UNC13B: variants seen among roughly 807,000 people sequenced by gnomAD.
UNC13B encodes the protein unc-13 homolog B.
A neutral mutation model predicts 211.0 loss-of-function variants in UNC13B; 144 were observed. The ratio of observed to expected loss-of-function variants is 0.68; its 90% CI spans 0.60 to 0.78. The LOEUF is 0.78. Ranked by LOEUF, UNC13B falls within the 30% of genes least tolerant of loss-of-function variation. UNC13B has a pLI of 0.00. For missense variants in UNC13B, 1,777 were observed against 2,002.0 expected, an observed-to-expected ratio of 0.89 and a Z score of 2.14; for synonymous variants, 709 against 725.8, an observed-to-expected ratio of 0.98 and a Z score of 0.37.
chr9:35,252,242 G>A (rs1826538520), intron 6 of UNC13B, among the ~76,000 whole-genome samples: 1 of 152,152 alleles, frequency 6.6e-6, no homozygotes, highest in Non-Finnish European at 1.5e-5. Flanking sequence ...TCATTATGAT[G>A]TTTTCCCATC....
rs747971364 is a variant in UNC13B, at chr9:35,400,287, A to T, written c.12337-9A>T. 1 of 1,613,394 alleles carries T rather than the reference A, an allele frequency of 6.2e-7. No individual in the cohort carries two copies. The highest frequency in any genetic ancestry group is 1.1e-5 in the South Asian group (1 of 90,968). ...ATGAAGCAGTCACGGGTGCTCTTTTATCTTGCAGCAATACTTCCATGCAGG... is the reference window on the plus strand; with the variant it reads ...ATGAAGCAGTCACGGGTGCTCTTTTTTCTTGCAGCAATACTTCCATGCAGG... On this transcript the variant is annotated splice_polypyrimidine_tract_variant and intron_variant, in intron 36 of 39. Transcript: ENST00000635942.
intron 7 of UNC13B, among the ~76,000 whole-genome samples, chr9:35,262,230 C>T (rs1243409080): frequency 6.6e-6 from 1 of 151,268 alleles, no homozygotes; most frequent in Non-Finnish European, 1.5e-5. Flanking sequence ...TCTTTTCTTT[C>T]TCTCTCCTTC....
chr9:35,398,401 TG>T, intron 31 of UNC13B, 113 bp downstream of exon 31: 1 of 1,412,694 alleles, frequency 7.1e-7, no homozygotes, highest in Non-Finnish European at 9.9e-7. Context: ...GCTTGGGGTC[TG>T]GGCTGGCTTA....
intron 1 of UNC13B, among the ~76,000 whole-genome samples, chr9:35,225,399 C>T (rs572517838): frequency 6.6e-6 from 1 of 152,328 alleles, no homozygotes; most frequent in South Asian, 2.1e-4. Context: ...AAGTGATCCA[C>T]CCACTTTGGC....
chr9:35,249,451 C>T (rs534792329), intron 6 of UNC13B, among the ~76,000 whole-genome samples: 3 of 152,126 alleles, frequency 2.0e-5, no homozygotes, highest in Non-Finnish European at 4.4e-5. Flanking sequence ...TTCCTAGCAT[C>T]GATGGTCCTT....
rs751521575 is a variant in UNC13B at position 35,385,752 on chromosome 9, G to A, written c.10904G>A (p.Arg3635Gln). 1.1e-5 allele frequency: 17 copies of A among 1,607,874 alleles called. No homozygotes were observed. The highest frequency in any genetic ancestry group is 7.7e-5 in the South Asian group (7 of 90,798). ...AATTTCCCTGCTGGGAGTCCTGAAC[G>A]GCTTCAGGACTTAAAATCCACAGTG... is the stretch of plus-strand genomic sequence containing the variant. Reference protein sequence around the residue: ...RNNFPAGSPERLQDLKSTVDL... With the variant: ...RNNFPAGSPEQLQDLKSTVDL... The change falls in exon 23 of 40, where the codon CGG becomes CAG. Residue 3635 changes from arginine to glutamine, a missense_variant. Transcript: ENST00000635942.
chr9:35,248,406 T>C (rs1826235641), intron 6 of UNC13B, among the ~76,000 whole-genome samples: 1 of 152,222 alleles, frequency 6.6e-6, no homozygotes, highest in Non-Finnish European at 1.5e-5. Flanking sequence ...AGCTTTTGAA[T>C]GTGTTTGCTC....
chr9:35,404,018 G>A lies in UNC13B; in HGVS notation c.13008G>A (p.Thr4336=), dbSNP rs1325885334. The change falls in exon 40 of 40, where the codon ACG becomes ACA. Residue 4336 remains threonine (T), a synonymous_variant. Coordinates refer to ENST00000635942, the MANE Select transcript of UNC13B (RefSeq NM_001371189.2). ...FVKLKSESRS[T]EEGS is the part of the protein sequence containing the mutation. ...AACTCAAATCAGAGTCTCGTTCCAC[G>A]GAGGAGGGGAGCTGAACACCTTCGA... 8.7e-6 allele frequency: 14 copies of A among 1,613,004 alleles called. No individual in the cohort carries two copies. Among genetic ancestry groups the A allele is most frequent in the East Asian group, 4.5e-5 (2 of 44,880 alleles).
chr9:35,174,110 AG>A (rs1821479747), intron 1 of UNC13B, among the ~76,000 whole-genome samples: 1 of 151,256 alleles, frequency 6.6e-6, no homozygotes, highest in Admixed American at 6.6e-5. Flanking sequence ...CATCTAAGAC[AG>A]GGAGCTGAAA....
Position 35,382,497 on chromosome 9 carries a change from C to T in UNC13B, c.10796C>T (p.Ser3599Phe). 21 of 1,612,856 alleles carry T rather than the reference C, an allele frequency of 1.3e-5. No individual in the cohort carries two copies. Among genetic ancestry groups the T allele is most frequent in the Non-Finnish European group, 1.8e-5 (21 of 1,179,728 alleles). Residue 3599 changes from serine to phenylalanine, a missense_variant, in exon 21 of 40, where the codon TCC becomes TTC. Ser to Phe is a radical substitution (Grantham distance 155). Transcript: ENST00000635942. ...TCTGCATCTGATCGCTTTGCAGCCT[C>T]CAACTTTGGGGTAAGTATCATGTAA... Reference protein sequence around the residue: ...NVSASDRFAASNFGKERFVKL... With the variant: ...NVSASDRFAAFNFGKERFVKL...
intron 5 of UNC13B, among the ~76,000 whole-genome samples, chr9:35,241,592 CACACCACCAT>C (rs1564087410): frequency 2.8e-4 from 40 of 141,194 alleles, no homozygotes; most frequent in South Asian, 1.3e-3. Context: ...CACACACACA[CACACCACCAT>C]CTTCTTTTTA....
chr9:35,303,789 A>G lies in UNC13B; in HGVS notation c.4385A>G (p.Asn1462Ser). Residue 1462 changes from asparagine (N) to serine (S), a missense_variant, in exon 9 of 40, where the codon AAT becomes AGT. Physicochemically the swap from Asn to Ser is conservative, Grantham distance 46. Coordinates refer to ENST00000635942, the MANE Select transcript of UNC13B (RefSeq NM_001371189.2). ...LYGNSGPLPI[N>S]EANNSLEELP... ...GGAAACTCTGGTCCTCTTCCAATTA[A>G]TGAGGCTAATAATTCACTAGAAGAA... 2.5e-6 allele frequency: 1 copy of G among 398,798 alleles called. No homozygotes were observed. Among genetic ancestry groups the G allele is most frequent in the Middle Eastern group, 6.3e-4 (1 of 1,588 alleles). The allele number at this position is 398,798 out of a possible 1,614,324, so 24.7% of individuals were successfully genotyped here. A position where few individuals can be genotyped will look rare whatever the true frequency, so the allele number is the denominator to read the frequency against.
intron 11 of UNC13B, among the ~76,000 whole-genome samples, chr9:35,318,094 G>A (rs1388249691): frequency 6.6e-6 from 1 of 152,108 alleles, no homozygotes; most frequent in Non-Finnish European, 1.5e-5. Context: ...GCTGAAAACA[G>A]TTGCCAAAGC....
intron 1 of UNC13B, among the ~76,000 whole-genome samples, chr9:35,184,569 G>T (rs911082824): frequency 6.6e-6 from 1 of 152,272 alleles, no homozygotes; most frequent in South Asian, 2.1e-4. Flanking sequence ...CCAGTCAGGC[G>T]TGGCAGCGCA....
chr9:35,315,731 A>C (rs140647518), intron 11 of UNC13B, among the ~76,000 whole-genome samples: 206 of 152,286 alleles, frequency 1.4e-3, no homozygotes, highest in African/African-American at 4.4e-3. Context: ...TCCAATCCAG[A>C]ATGACATGTT....
chr9:35,184,480 G>T (rs1587319905), intron 1 of UNC13B, among the ~76,000 whole-genome samples: 1 of 152,206 alleles, frequency 6.6e-6, no homozygotes. Context: ...GGCCGAGGCG[G>T]GCAGATCACT....
chr9:35,338,768 A>G lies in UNC13B; in HGVS notation c.9414+24779A>G, dbSNP rs186002026. Reference sequence around the variant, plus strand: ...GTTGATATTGGACAATAAGGTAAGCACCTGCTGGTCCTGACCCAGCCTGTC... The same window carrying G: ...GTTGATATTGGACAATAAGGTAAGCGCCTGCTGGTCCTGACCCAGCCTGTC... On this transcript the variant is annotated intron_variant, in intron 11 of 39. Transcript: ENST00000635942. Among the ~76,000 whole-genome samples the G allele has an allele frequency of 9.9e-5, 15 of 152,222 alleles. No homozygotes were observed. In the East Asian group the frequency reaches 2.9e-3, roughly 29 times the overall value.
At chr9:35,260,033 T>G in intron 7 of UNC13B, among the ~76,000 whole-genome samples, 1 of 44,402 alleles carries the variant, frequency 2.3e-5, no homozygotes, top group African/African-American at 7.2e-5. Context: ...GATACCTCAT[T>G]TCTACAAAAA....
rs773967690 is a variant in UNC13B at position 35,228,079 on chromosome 9, G to T, written c.52+35G>T. ...GCTTTCTATTATGTCTTTTCCTCTTGTATTTGCTGTTATTTCAAAGCAATT... is the reference window on the plus strand; with the variant it reads ...GCTTTCTATTATGTCTTTTCCTCTTTTATTTGCTGTTATTTCAAAGCAATT... On this transcript the variant is annotated intron_variant, in intron 2 of 39. Coordinates refer to ENST00000635942, the MANE Select transcript of UNC13B (RefSeq NM_001371189.2). The T allele has an allele frequency of 4.5e-6, 7 of 1,568,516 alleles. No individual in the cohort carries two copies. The South Asian group carries it at 6.1e-5, about 14-fold the overall frequency.
Sources: allele counts gnomAD v4.1 joint callset (sites outside exome capture counted in the v4.1 genomes callset), GRCh38; gene constraint gnomAD v4.1.1; transcripts MANE v1.5; gene names NCBI Gene and HGNC (gene_info 2026-07-23, HGNC 2026-07-21).